PDE7B: variants seen among roughly 807,000 people sequenced by gnomAD.
PDE7B encodes the protein 3',5'-cyclic-AMP phosphodiesterase 7B.
In PDE7B, 29 loss-of-function variants were observed where a neutral mutation model predicts 56.2. The ratio of observed to expected loss-of-function variants is 0.52; its 90% confidence interval spans 0.38 to 0.70. The LOEUF (loss-of-function observed/expected upper bound fraction) is 0.70, where lower values mean the gene tolerates loss of function less well. Ranked by LOEUF, PDE7B falls within the 30% of genes least tolerant of loss-of-function variation. PDE7B has a pLI of 0.00. For synonymous variants in PDE7B, 197 were observed against 196.9 expected (o/e 1.00, Z 0.00); for missense variants, 490 against 565.0 (o/e 0.87, Z 1.35).
rs1416405612 is a variant in PDE7B, at chr6:135,948,884, TAGATAGATAGATAGACAGAC to T, written c.82+1364_82+1383del. Among the ~76,000 whole-genome samples the T allele has an allele frequency of 3.2e-3, 425 of 134,208 alleles. 2 individuals are homozygous for T. The highest frequency in any genetic ancestry group is 0.013 in the African/African-American group (402 of 30,062). The allele number at this position is 134,208 out of a possible 152,430, so 88.0% of individuals were successfully genotyped here. ...ATAGATAGATAGATAGATAGATAGA[TAGATAGATAGATAGACAGAC>T]AGACAGACAGACAGACAGACAGACA... On this transcript the variant is annotated intron_variant, in intron 2 of 12. Coordinates refer to ENST00000308191, the MANE Select transcript of PDE7B (RefSeq NM_018945.4).
At chr6:135,856,126 C>G (rs1362788092) in intron 1 of PDE7B, among the ~76,000 whole-genome samples, 1 of 152,160 alleles carries the variant, frequency 6.6e-6, no homozygotes, top group Non-Finnish European at 1.5e-5. Flanking sequence ...CACATTTACA[C>G]AATTTTACCT....
chr6:136,102,153 C>T (rs573526554), intron 2 of PDE7B, among the ~76,000 whole-genome samples: 14 of 152,224 alleles, frequency 9.2e-5, no homozygotes, highest in African/African-American at 3.1e-4. Context: ...GATACACACA[C>T]CTATGCCTGG....
intron 11 of PDE7B, among the ~76,000 whole-genome samples, chr6:136,184,593 C>T (rs1779116613): frequency 6.6e-6 from 1 of 152,162 alleles, no homozygotes; most frequent in Non-Finnish European, 1.5e-5. Context: ...GGAATGGAAA[C>T]CACTGAGGCC....
intron 2 of PDE7B, among the ~76,000 whole-genome samples, chr6:136,040,357 C>G (rs537915862): frequency 1.3e-5 from 2 of 152,344 alleles, no homozygotes; most frequent in East Asian, 3.9e-4. Context: ...GGGCATAAAA[C>G]CTTTTCATCA....
chr6:136,036,980 T>A (rs1776334142), intron 2 of PDE7B, among the ~76,000 whole-genome samples: 2 of 152,230 alleles, frequency 1.3e-5, no homozygotes, highest in South Asian at 4.1e-4. Flanking sequence ...TCGCCTTTTG[T>A]TGAATTGGTT....
chr6:136,093,159 T>A (rs1777417360), intron 2 of PDE7B, among the ~76,000 whole-genome samples: 1 of 152,176 alleles, frequency 6.6e-6, no homozygotes, highest in Non-Finnish European at 1.5e-5. Context: ...AATTACCCAG[T>A]ATGATGGCTG....
chr6:136,008,066 G>A (rs1257143669), intron 2 of PDE7B, among the ~76,000 whole-genome samples: 1 of 147,028 alleles, frequency 6.8e-6, no homozygotes, highest in African/African-American at 2.5e-5. Flanking sequence ...TCCCACCTAT[G>A]AGTGAGAACG....
intron 3 of PDE7B, among the ~76,000 whole-genome samples, chr6:136,139,408 T>A (rs1778276196): frequency 6.6e-6 from 1 of 152,198 alleles, no homozygotes; most frequent in Non-Finnish European, 1.5e-5. Flanking sequence ...TTTGCTATTG[T>A]GAATAGTGCC....
chr6:135,981,979 A>G (rs557995020), intron 2 of PDE7B, among the ~76,000 whole-genome samples: 1 of 152,198 alleles, frequency 6.6e-6, no homozygotes, highest in South Asian at 2.1e-4. Flanking sequence ...CAATGGTTAC[A>G]ATGACTATGA....
intron 1 of PDE7B, among the ~76,000 whole-genome samples, chr6:135,917,980 C>A (rs1773989527): frequency 6.6e-6 from 1 of 152,164 alleles, no homozygotes; most frequent in African/African-American, 2.4e-5. Context: ...ACTCACAGCT[C>A]CCCAATAGAG....
intron 8 of PDE7B, among the ~76,000 whole-genome samples, chr6:136,172,920 A>G (rs1446067677): frequency 2.0e-5 from 3 of 152,154 alleles, no homozygotes; most frequent in Non-Finnish European, 4.4e-5. Context: ...CAAAGAGAAT[A>G]AAATACCTAG....
At chr6:136,028,279 ATGGATAAGAGGTCC>A in intron 2 of PDE7B, among the ~76,000 whole-genome samples, 1 of 152,328 alleles carries the variant, frequency 6.6e-6, no homozygotes, top group African/African-American at 2.4e-5. Context: ...GATGACCAAA[ATGGATAAGAGGTCC>A]TGCTTTGTTT....
chr6:135,940,984 A>T (rs1774497598), intron 1 of PDE7B, among the ~76,000 whole-genome samples: 1 of 152,244 alleles, frequency 6.6e-6, no homozygotes, highest in Non-Finnish European at 1.5e-5. Context: ...ATCCCAATAG[A>T]TATATCAGCA....
In PDE7B at chr6:136,102,385, C is replaced by T. The variant is rs144742588; in HGVS notation, c.83-6346C>T. On this transcript the variant is annotated intron_variant, in intron 2 of 12. Transcript: ENST00000308191. ...ACTATGTGCCAGGCACTGTGCTAAGCAATTTATATATAATGCATTTCTAAA... is the reference window on the plus strand; with the variant it reads ...ACTATGTGCCAGGCACTGTGCTAAGTAATTTATATATAATGCATTTCTAAA... 6.8e-3 allele frequency among the ~76,000 whole-genome samples: 1,039 copies of T among 152,242 alleles called. 15 individuals are homozygous for T. Among genetic ancestry groups the T allele is most frequent in the African/African-American group, 0.023 (955 of 41,532 alleles).
intron 2 of PDE7B, among the ~76,000 whole-genome samples, chr6:135,973,275 C>T (rs1417782031): frequency 6.6e-6 from 1 of 152,042 alleles, no homozygotes; most frequent in Non-Finnish European, 1.5e-5. Context: ...ATAATGTCCT[C>T]CAGGTTCTTC....
chr6:135,897,163 T>C (rs912287020), intron 1 of PDE7B, among the ~76,000 whole-genome samples: 1 of 152,080 alleles, frequency 6.6e-6, no homozygotes, highest in Non-Finnish European at 1.5e-5. Context: ...CTTTCACATC[T>C]CCAAAACCAG....
intron 1 of PDE7B, among the ~76,000 whole-genome samples, chr6:135,918,791 G>A (rs537680462): frequency 4.6e-5 from 7 of 152,210 alleles, no homozygotes; most frequent in East Asian, 1.9e-4. Context: ...CCATTTATGC[G>A]TGGACAGGGA....
In PDE7B at chr6:136,099,786, C is replaced by A. The variant is rs144772433; in HGVS notation, c.83-8945C>A. ...GAAGCTCTTTAGTTTAATTAGATCCCATTTGTGTATTTTGGCTTTTTTTGC... is the reference window on the plus strand; with the variant it reads ...GAAGCTCTTTAGTTTAATTAGATCCAATTTGTGTATTTTGGCTTTTTTTGC... On this transcript the variant is annotated intron_variant, in intron 2 of 12. Transcript: ENST00000308191. Among the ~76,000 whole-genome samples the A allele has an allele frequency of 2.2e-3, 328 of 152,252 alleles. 10 individuals are homozygous for A. In the East Asian group the frequency reaches 0.051, roughly 24 times the overall value.
chr6:136,047,725 C>A (rs1391394465), intron 2 of PDE7B, among the ~76,000 whole-genome samples: 1 of 152,068 alleles, frequency 6.6e-6, no homozygotes, highest in African/African-American at 2.4e-5. Flanking sequence ...ATTGAGACTT[C>A]TATTTACTGG....
Sources: gnomAD v4.1 joint callset for allele counts (sites outside exome capture counted in the v4.1 genomes callset) on GRCh38, gnomAD v4.1.1 for gene constraint, MANE v1.5 for transcripts, NCBI Gene and HGNC (gene_info 2026-07-23, HGNC 2026-07-21) for gene names.